ATP8B4: variants seen among roughly 807,000 people sequenced by gnomAD.
ATP8B4 encodes ATPase phospholipid transporting 8B4 (putative).
ATP8B4 carries 133 observed loss-of-function variants against 145.6 expected under a neutral mutation model. That is an observed-to-expected ratio of 0.91 (90% CI 0.79 to 1.05). ATP8B4 has a LOEUF of 1.05. ATP8B4 is among the 50% of genes least tolerant of loss of function. ATP8B4 has a pLI of 0.00. For missense variants in ATP8B4, 1,458 were observed against 1,425.2 expected, an observed-to-expected ratio of 1.02 and a Z score of -0.37; for synonymous variants, 507 against 492.9, an observed-to-expected ratio of 1.03 and a Z score of -0.38.
intron 2 of ATP8B4, among the ~76,000 whole-genome samples, chr15:50,095,607 A>C (rs2153659134): frequency 6.6e-6 from 1 of 152,188 alleles, no homozygotes; most frequent in South Asian, 2.1e-4. Flanking sequence ...AAATTAAAAA[A>C]CTAGCCAGGT....
intron 13 of ATP8B4, among the ~76,000 whole-genome samples, chr15:49,971,609 A>G (rs1420314576): frequency 6.6e-6 from 1 of 152,234 alleles, no homozygotes; most frequent in Non-Finnish European, 1.5e-5. Context: ...ATCATTAAAA[A>G]GTCAGGAAAA....
intron 1 of ATP8B4, among the ~76,000 whole-genome samples, chr15:50,170,063 T>G (rs1255172422): frequency 1.3e-5 from 2 of 152,152 alleles, no homozygotes; most frequent in Non-Finnish European, 2.9e-5. Flanking sequence ...CTCATCAGTG[T>G]ACCTGAGGAA....
chr15:49,861,473 T>TCTACCTACCTACCTACCTAC (rs71124313), intron 27 of ATP8B4, among the ~76,000 whole-genome samples: 1 of 135,594 alleles, frequency 7.4e-6, no homozygotes, highest in Admixed American at 7.3e-5. Flanking sequence ...TATCTATCTA[T>TCTACCTACCTACCTACCTAC]CTACCTACCT....
intron 6 of ATP8B4, among the ~76,000 whole-genome samples, chr15:50,032,654 G>A (rs2050535779): frequency 6.6e-6 from 1 of 152,140 alleles, no homozygotes; most frequent in African/African-American, 2.4e-5. Context: ...ACAGAGAAAT[G>A]GTACGTGAAT....
chr15:49,938,281 T>C (rs909306311), intron 14 of ATP8B4, among the ~76,000 whole-genome samples: 1 of 152,110 alleles, frequency 6.6e-6, no homozygotes, highest in Non-Finnish European at 1.5e-5. Flanking sequence ...AAACTGCCCA[T>C]ATCAATATTA....
At chr15:49,998,857 GT>G (rs1421699601) in intron 8 of ATP8B4, among the ~76,000 whole-genome samples, 1 of 152,092 alleles carries the variant, frequency 6.6e-6, no homozygotes, top group Non-Finnish European at 1.5e-5. Context: ...TTCTTCTAGG[GT>G]TTTTATGGTT....
chr15:49,903,298 ATT>A (rs1185869836), intron 20 of ATP8B4, among the ~76,000 whole-genome samples: 1 of 152,208 alleles, frequency 6.6e-6, no homozygotes, highest in East Asian at 1.9e-4. Context: ...TGAGCTATAC[ATT>A]TTTGAAGCGT....
At chr15:49,944,400 C>T (rs1244885440) in intron 14 of ATP8B4, among the ~76,000 whole-genome samples, 1 of 151,948 alleles carries the variant, frequency 6.6e-6, no homozygotes, top group Non-Finnish European at 1.5e-5. Flanking sequence ...AAATGGCAAA[C>T]AAAAGAGAGA....
At chr15:49,940,198 T>G (rs909674495) in intron 14 of ATP8B4, among the ~76,000 whole-genome samples, 2 of 152,190 alleles carry the variant, frequency 1.3e-5, no homozygotes, top group African/African-American at 2.4e-5. Flanking sequence ...ATACACACCA[T>G]GGAATACTAT....
chr15:50,009,998 G>A (rs954140729), intron 7 of ATP8B4, among the ~76,000 whole-genome samples: 3 of 152,120 alleles, frequency 2.0e-5, no homozygotes, highest in Non-Finnish European at 4.4e-5. Context: ...AATGAAAGAA[G>A]ACTGTTTCTG....
Position 50,180,062 on chromosome 15 carries a change from A to G in ATP8B4, c.-43+2199T>C, listed in dbSNP as rs77066674. ...CGTAAAACGTTCCACAAAATGGCCT[A>G]GGTGAAATTGATTATACTCTCACCC... On this transcript the variant is annotated intron_variant, in intron 1 of 3. Transcript: ENST00000558829. 4.6e-5 allele frequency among the ~76,000 whole-genome samples: 7 copies of G among 152,318 alleles called. No individual in the cohort carries two copies. In the East Asian group the frequency reaches 1.4e-3, roughly 29 times the overall value.
rs141296878 is a variant in ATP8B4 at position 49,876,503 on chromosome 15, G to T, written c.2802C>A (p.Ser934Arg). The T allele has an allele frequency of 6.2e-7, 1 of 1,613,894 alleles. No individual in the cohort carries two copies. The highest frequency in any genetic ancestry group is 1.3e-5 in the African/African-American group (1 of 74,932). The change falls in exon 25 of 28, where the codon AGC (serine) becomes AGA (arginine). Residue 934 changes from serine (S) to arginine (R), a missense_variant. Coordinates refer to ENST00000284509, the MANE Select transcript of ATP8B4 (RefSeq NM_024837.4). The part of the protein sequence containing the change: ...IFDQDVSDQN[S>R]VDCPQLYKPG... ...GTTTGTAGAGCTGGGGACAGTCCAC[G>T]CTGTTCTGGTCACTCACATCCTGTA...
chr15:49,870,964 A>G lies in ATP8B4; in HGVS notation c.3028-4480T>C, dbSNP rs144116023. 5.3e-5 allele frequency among the ~76,000 whole-genome samples: 8 copies of G among 152,326 alleles called. No individual in the cohort carries two copies. In the East Asian group the frequency reaches 1.5e-3, roughly 29 times the overall value. On this transcript the variant is annotated intron_variant, in intron 25 of 27. Coordinates refer to ENST00000284509, the MANE Select transcript of ATP8B4 (RefSeq NM_024837.4). ...CAAGGGTGATACTGGTATCCTAGGTATTCCCACATGAGTGAGAGAGGTGGG... is the reference window on the plus strand; with the variant it reads ...CAAGGGTGATACTGGTATCCTAGGTGTTCCCACATGAGTGAGAGAGGTGGG...
rs151110876 is a variant in ATP8B4 at position 49,899,367 on chromosome 15, A to G, written c.2290-1116T>C. On this transcript the variant is annotated intron_variant, in intron 21 of 27. Transcript: ENST00000284509. The stretch of plus-strand genomic sequence containing the variant: ...CCACTGTGTGATTATCTCACCCACT[A>G]GACAGCAATCCCTAAAACGAGAGCC... Among the ~76,000 whole-genome samples the G allele has an allele frequency of 4.9e-4, 74 of 152,294 alleles. 1 individual carries two copies. In the East Asian group the frequency reaches 0.014, roughly 28 times the overall value.
upstream of ATP8B4, among the ~76,000 whole-genome samples, chr15:50,120,765 A>G (rs2057261232): frequency 6.6e-6 from 1 of 152,190 alleles, no homozygotes. Context: ...AAGTTAAGGT[A>G]TATTGATACA....
upstream of ATP8B4, among the ~76,000 whole-genome samples, chr15:50,119,812 G>A (rs1333974054): frequency 1.6e-5 from 2 of 126,550 alleles, no homozygotes; most frequent in Admixed American, 9.7e-5. Flanking sequence ...ATGGATGAAA[G>A]CTAAGCATAC....
chr15:50,086,557 G>T (rs1465335213), intron 2 of ATP8B4, among the ~76,000 whole-genome samples: 3 of 96,016 alleles, frequency 3.1e-5, no homozygotes, highest in Admixed American at 1.3e-4. Flanking sequence ...AAATAATATA[G>T]AGATCTATAT....
intron 2 of ATP8B4, among the ~76,000 whole-genome samples, chr15:50,094,794 T>C (rs2055860432): frequency 6.6e-6 from 1 of 151,422 alleles, no homozygotes; most frequent in Non-Finnish European, 1.5e-5. Context: ...TACATCAACT[T>C]AATAAATACA....
At chr15:49,933,764 C>T (rs978788997) in intron 15 of ATP8B4, among the ~76,000 whole-genome samples, 3 of 152,142 alleles carry the variant, frequency 2.0e-5, no homozygotes, top group Admixed American at 6.6e-5. Context: ...CTCACTTTTC[C>T]ATTGTCCTTG....
Sources: gnomAD v4.1 joint callset for allele counts (sites outside exome capture counted in the v4.1 genomes callset) on GRCh38, gnomAD v4.1.1 for gene constraint, MANE v1.5 for transcripts, NCBI Gene and HGNC (gene_info 2026-07-23, HGNC 2026-07-21) for gene names.